Variants in IGFL4 observed in about 807,000 individuals in gnomAD.
The protein encoded by IGFL4 is insulin growth factor-like family member 4.
A neutral mutation model predicts 15.4 loss-of-function variants in IGFL4; 12 were observed. That is an observed-to-expected ratio of 0.78 (90% CI 0.50 to 1.26). IGFL4 has a LOEUF of 1.26. Among genes scored for constraint, IGFL4 ranks in the 50% most tolerant of loss-of-function variants. The probability of loss-of-function intolerance (pLI) is 0.00; values close to 1 mark genes in which losing one functional copy is unlikely to be tolerated. For missense variants in IGFL4, 126 were observed against 147.8 expected (o/e 0.85, Z 0.76); for synonymous variants, 54 against 55.9 (o/e 0.97, Z 0.16).
At chr19:46,053,406 G>A (rs1018996999) in intron 2 of IGFL4, among the ~76,000 whole-genome samples, 1 of 152,076 alleles carries the variant, frequency 6.6e-6, no homozygotes, top group Non-Finnish European at 1.5e-5. Context: ...GTAGAGCCGG[G>A]GTTTTACCAT....
Position 46,040,202 on chromosome 19 carries a change from C to T in IGFL4, c.285G>A (p.Met95Ile), listed in dbSNP as rs1969224003. The T allele has an allele frequency of 1.2e-6, 2 of 1,614,016 alleles. No homozygotes were observed. The highest frequency in any genetic ancestry group is 2.2e-5 in the South Asian group (2 of 91,088). The stretch of plus-strand genomic sequence containing the variant: ...TAGGGGAGGACTTGCAATCTGGCTT[C>T]ATGCCTGGGACCTTGAACCTCACAA... ...QTVVRFKVPGMKPDCKSSPIT... is the reference protein window; with the variant it reads ...QTVVRFKVPGIKPDCKSSPIT... Residue 95 changes from methionine (M) to isoleucine (I), a missense_variant, in exon 3 of 4, where the codon ATG (methionine) becomes ATA (isoleucine). Coordinates refer to ENST00000377697, the MANE Select transcript of IGFL4 (RefSeq NM_001002923.3). This position sits in a 1 kb window ranked among gnomAD's most constrained non-coding sequence, Gnocchi z 4.1.
At chr19:46,045,731 C>T (rs1412681285), upstream of IGFL4, among the ~76,000 whole-genome samples, 1 of 151,910 alleles carries the variant, frequency 6.6e-6, no homozygotes, top group Non-Finnish European at 1.5e-5. Context: ...GAAAAAAGAA[C>T]AAAAAGAACT....
At position 46,040,023 on chromosome 19, in the gene IGFL4, C is replaced by CA. The variant is rs1386750383; in HGVS notation, c.331-88dup. On this transcript the variant is annotated intron_variant, in intron 3 of 3. Coordinates refer to ENST00000377697, the MANE Select transcript of IGFL4 (RefSeq NM_001002923.3). This position sits in a 1 kb window ranked among gnomAD's most constrained non-coding sequence, Gnocchi z 4.1. Reference sequence around the variant, plus strand: ...GAAGGAACAGAGACATGGAGAAAGACAGAGTTGCATGGTTACTGAGAGATG... The same window carrying CA: ...GAAGGAACAGAGACATGGAGAAAGACAAGAGTTGCATGGTTACTGAGAGATG... 2.0e-6 allele frequency: 3 copies of CA among 1,505,578 alleles called. No homozygotes were observed. The highest frequency in any genetic ancestry group is 1.1e-5 in the South Asian group (1 of 88,654). 93.3% of individuals were successfully genotyped at this position (1,505,578 alleles called of 1,614,324 possible).
intron 2 of IGFL4, among the ~76,000 whole-genome samples, chr19:46,049,063 A>C (rs1232376249): frequency 6.6e-6 from 1 of 152,222 alleles, no homozygotes; most frequent in African/African-American, 2.4e-5. Context: ...TACTGGTATA[A>C]GAACAGACAC....
intron 2 of IGFL4, among the ~76,000 whole-genome samples, chr19:46,050,968 T>C (rs557021910): frequency 1.4e-3 from 213 of 152,316 alleles, no homozygotes; most frequent in African/African-American, 4.9e-3. Context: ...TAATAGCAGA[T>C]TTCTCAGCAG....
intron 1 of IGFL4, among the ~76,000 whole-genome samples, chr19:46,069,867 A>G (rs1283692216): frequency 6.6e-6 from 1 of 152,240 alleles, no homozygotes; most frequent in Non-Finnish European, 1.5e-5. Flanking sequence ...GGAAAAATCT[A>G]AACAATAGAT....
intron 1 of IGFL4, among the ~76,000 whole-genome samples, chr19:46,068,535 G>A (rs1358460670): frequency 1.3e-5 from 2 of 152,206 alleles, no homozygotes; most frequent in African/African-American, 4.8e-5. Context: ...TGTTGATTCT[G>A]TAACCAGGGG....
chr19:46,040,496 C>T lies in IGFL4; in HGVS notation c.70+22G>A, dbSNP rs372871712. The T allele has an allele frequency of 3.3e-5, 53 of 1,614,146 alleles. No homozygotes were observed. The African/African-American group carries it at 6.8e-4, about 21-fold the overall frequency. The stretch of plus-strand genomic sequence containing the variant: ...ACCAACCTTAATGCTGTTCTCTCCT[C>T]CCTCACTGCATCTGTTCTCACCTGT... On this transcript the variant is annotated intron_variant, in intron 2 of 3. Transcript: ENST00000377697. This position sits in a 1 kb window ranked among gnomAD's most constrained non-coding sequence, Gnocchi z 4.1.
At chr19:46,050,269 C>A (rs1969333447) in intron 2 of IGFL4, among the ~76,000 whole-genome samples, 1 of 151,954 alleles carries the variant, frequency 6.6e-6, no homozygotes, top group South Asian at 2.1e-4. Context: ...CTCTTTAACA[C>A]CCCCGAAAGA....
intron 2 of IGFL4, among the ~76,000 whole-genome samples, chr19:46,054,482 G>T (rs1373446948): frequency 6.6e-6 from 1 of 152,140 alleles, no homozygotes; most frequent in Non-Finnish European, 1.5e-5. Flanking sequence ...TTTTATGCCA[G>T]TGCCATGCTA....
intron 1 of IGFL4, among the ~76,000 whole-genome samples, chr19:46,075,016 A>C (rs1298965421): frequency 6.6e-6 from 1 of 152,250 alleles, no homozygotes. Flanking sequence ...TCCACCTTTC[A>C]ATGGGAAGAA....
chr19:46,068,368 T>A (rs1292001372), intron 1 of IGFL4, among the ~76,000 whole-genome samples: 1 of 152,244 alleles, frequency 6.6e-6, no homozygotes, highest in Non-Finnish European at 1.5e-5. Flanking sequence ...GAGTGTCGAA[T>A]CTCATCATGA....
In IGFL4 at chr19:46,040,611, G is replaced by C. The variant is rs765379846; in HGVS notation, c.20-43C>G. The C allele has an allele frequency of 1.2e-6, 2 of 1,601,366 alleles. No homozygotes were observed. Among genetic ancestry groups the C allele is most frequent in the Non-Finnish European group, 1.7e-6 (2 of 1,168,836 alleles). ...AGCGAGAATGATTCTGAGGTCACTAGGTCTTGACCACGGGGCACAGGATGA... is the reference window on the plus strand; with the variant it reads ...AGCGAGAATGATTCTGAGGTCACTACGTCTTGACCACGGGGCACAGGATGA... On this transcript the variant is annotated intron_variant, in intron 1 of 3. Transcript: ENST00000377697. This position sits in a 1 kb window ranked among gnomAD's most constrained non-coding sequence, Gnocchi z 4.1.
intron 1 of IGFL4, among the ~76,000 whole-genome samples, chr19:46,071,660 GAAT>G (rs1156977264): frequency 1.3e-5 from 2 of 152,138 alleles, no homozygotes; most frequent in Non-Finnish European, 2.9e-5. Context: ...TCAAGTGGTG[GAAT>G]AATATTTTTA....
intron 1 of IGFL4, among the ~76,000 whole-genome samples, chr19:46,063,563 A>G (rs1969466784): frequency 6.6e-6 from 1 of 152,202 alleles, no homozygotes; most frequent in Non-Finnish European, 1.5e-5. Context: ...TGTCCATTTC[A>G]TGTCCTGCAC....
chr19:46,047,342 C>T (rs998534369), intron 2 of IGFL4, among the ~76,000 whole-genome samples: 1 of 152,098 alleles, frequency 6.6e-6, no homozygotes, highest in African/African-American at 2.4e-5. Flanking sequence ...ACTAAAAGAA[C>T]TAGAGAACCA....
chr19:46,049,401 G>A (rs980012431), intron 2 of IGFL4, among the ~76,000 whole-genome samples: 7 of 152,194 alleles, frequency 4.6e-5, no homozygotes, highest in African/African-American at 1.7e-4. Flanking sequence ...TGGCTGCCTG[G>A]AAATAAACTT....
upstream of IGFL4, among the ~76,000 whole-genome samples, chr19:46,045,531 A>T (rs1335652012): frequency 6.6e-6 from 1 of 152,070 alleles, no homozygotes; most frequent in East Asian, 1.9e-4. Context: ...GCTAAGAATC[A>T]TGATAAATTA....
upstream of IGFL4, among the ~76,000 whole-genome samples, chr19:46,043,957 T>G (rs1471174629): frequency 6.6e-6 from 1 of 152,170 alleles, no homozygotes; most frequent in African/African-American, 2.4e-5. Context: ...TCCACCGCAC[T>G]CACAGAGAGG....
Sources: gnomAD v4.1 joint callset for allele counts (sites outside exome capture counted in the v4.1 genomes callset) on GRCh38, gnomAD v4.1.1 for gene constraint, Gnocchi (gnomAD v3.1) non-coding constraint, MANE v1.5 for transcripts, NCBI Gene and HGNC (gene_info 2026-07-23, HGNC 2026-07-21) for gene names.